The following MEF2C variants were observed in gnomAD, a reference collection of about 807,000 sequenced individuals.
MEF2C encodes myocyte-specific enhancer factor 2C.
Under a neutral mutation model 50.5 loss-of-function variants are expected in MEF2C, and 6 were observed. The observed-to-expected ratio is 0.12, with a 90% CI of 0.07 to 0.23. The LOEUF (loss-of-function observed/expected upper bound fraction) is 0.23. Ranked by LOEUF, MEF2C falls within the 10% of genes least tolerant of loss-of-function variation. The pLI, the probability that MEF2C is intolerant of heterozygous loss-of-function variation, is 1.00. For missense variants in MEF2C, 276 were observed against 605.0 expected, an observed-to-expected ratio of 0.46 and a Z score of 5.70; for synonymous variants, 183 against 228.0, an observed-to-expected ratio of 0.80 and a Z score of 1.78.
chr5:88,726,647 A>G (rs1457276814), intron 10 of MEF2C, among the ~76,000 whole-genome samples: 1 of 152,176 alleles, frequency 6.6e-6, no homozygotes, highest in African/African-American at 2.4e-5. Context: ...AATTAAGCAC[A>G]ACGAAATTAA....
rs1756369928 is a variant in MEF2C, at chr5:88,721,606, T to C, written c.*998A>G. 6.6e-6 allele frequency: 1 copy of C among 152,596 alleles called. No homozygotes were observed. Among genetic ancestry groups the C allele is most frequent in the Non-Finnish European group, 1.5e-5 (1 of 68,032 alleles). The allele number at this position is 152,596 out of a possible 1,614,324, so 9.5% of individuals were successfully genotyped here. On this transcript the variant is annotated 3_prime_UTR_variant, in exon 11 of 11. Transcript: ENST00000504921. ...TAATATTATATATATTAGAAAGCTA[T>C]ACACAAGCATGTTAATTTCACAGAT...
At chr5:88,838,155 G>T (rs778043885) in intron 1 of MEF2C, among the ~76,000 whole-genome samples, 1 of 152,166 alleles carries the variant, frequency 6.6e-6, no homozygotes, top group Non-Finnish European at 1.5e-5. Flanking sequence ...ATTCAAGGGA[G>T]TACTTAAAAC....
intron 2 of MEF2C, 114 bp from the exon 3 acceptor site, chr5:88,804,915 T>A: frequency 1.4e-6 from 1 of 728,190 alleles, no homozygotes; most frequent in Non-Finnish European, 2.3e-6. Context: ...GTCAGAGCCC[T>A]GGGCACTAAC....
At chr5:88,862,995 G>A (rs1413954557) in intron 1 of MEF2C, among the ~76,000 whole-genome samples, 2 of 152,168 alleles carry the variant, frequency 1.3e-5, no homozygotes, top group African/African-American at 2.4e-5. Flanking sequence ...GAATATGGCA[G>A]GCCATACGAA....
intron 10 of MEF2C, among the ~76,000 whole-genome samples, chr5:88,724,794 G>A (rs376897179): frequency 6.6e-6 from 1 of 152,102 alleles, no homozygotes; most frequent in East Asian, 1.9e-4. Context: ...TGAGGAAATC[G>A]TCTTTTGATT....
At chr5:88,900,968 T>C (rs557986287) in intron 1 of MEF2C, among the ~76,000 whole-genome samples, 12 of 152,104 alleles carry the variant, frequency 7.9e-5, no homozygotes, top group Non-Finnish European at 1.5e-4. Flanking sequence ...CAAAAGAAAA[T>C]ATGACTAAAA....
intron 1 of MEF2C, among the ~76,000 whole-genome samples, chr5:88,862,130 T>G (rs1159010311): frequency 6.6e-6 from 1 of 152,254 alleles, no homozygotes; most frequent in Admixed American, 6.5e-5. Context: ...CTTGGAATTT[T>G]GTTCCATTAT....
chr5:88,739,964 T>C (rs1431009687), intron 6 of MEF2C: 9 of 984,968 alleles, frequency 9.1e-6, no homozygotes, highest in African/African-American at 1.7e-5. Context: ...AGGGAAATTA[T>C]ATAATAATGC....
At chr5:88,874,871 A>T (rs1830601265) in intron 1 of MEF2C, among the ~76,000 whole-genome samples, 1 of 152,098 alleles carries the variant, frequency 6.6e-6, no homozygotes. Context: ...ACAAATATTT[A>T]TTAAGTGGTA....
intron 3 of MEF2C, among the ~76,000 whole-genome samples, chr5:88,763,944 A>G (rs1287175258): frequency 1.3e-5 from 2 of 152,154 alleles, no homozygotes; most frequent in Non-Finnish European, 2.9e-5. Flanking sequence ...GAGCCATGGC[A>G]CCCTGCCAAT....
At position 88,720,895 on chromosome 5, in the gene MEF2C, T is replaced by C. The variant is rs913518875; in HGVS notation, c.*1709A>G. On this transcript the variant is annotated 3_prime_UTR_variant, in exon 11 of 11. Coordinates refer to ENST00000504921, the MANE Select transcript of MEF2C (RefSeq NM_002397.5). ...AAAAATAGATGACATACATGCTTTA[T>C]GCAGAAGTGACATTTGGGGGTCCTG... 6.6e-6 allele frequency: 1 copy of C among 152,642 alleles called. No individual in the cohort carries two copies. The highest frequency in any genetic ancestry group is 1.5e-5 in the Non-Finnish European group (1 of 68,030). 9.5% of individuals were successfully genotyped at this position (152,642 alleles called of 1,614,324 possible). A position where few individuals can be genotyped will look rare whatever the true frequency, so the allele number is the denominator to read the frequency against.
chr5:88,740,803 A>G (rs1766333894), intron 6 of MEF2C: 1 of 985,364 alleles, frequency 1.0e-6, no homozygotes, highest in Non-Finnish European at 1.2e-6. Flanking sequence ...TTAACTATGA[A>G]TGATAGATTT....
chr5:88,834,165 T>C (rs561661443), intron 1 of MEF2C, among the ~76,000 whole-genome samples: 4 of 152,126 alleles, frequency 2.6e-5, no homozygotes, highest in Non-Finnish European at 5.9e-5. Flanking sequence ...AGGGTGACAG[T>C]TAAATGTCAG....
At chr5:88,740,183 G>C in intron 6 of MEF2C, 1 of 984,488 alleles carries the variant, frequency 1.0e-6, no homozygotes, top group South Asian at 4.7e-5. Context: ...TTCATATCTA[G>C]CCTATTTGTC....
chr5:88,902,681 A>T (rs1835788094), intron 1 of MEF2C, among the ~76,000 whole-genome samples: 1 of 151,898 alleles, frequency 6.6e-6, no homozygotes, highest in African/African-American at 2.4e-5. Flanking sequence ...TGTGTTAAGG[A>T]TGTAGATTTA....
At chr5:88,730,109 A>G in intron 8 of MEF2C, 102 bp downstream of exon 8, 1 of 1,156,800 alleles carries the variant, frequency 8.6e-7, no homozygotes. Context: ...ATGTTGACAT[A>G]CTGTGGTAAC....
At chr5:88,771,351 T>C (rs1782333580) in intron 3 of MEF2C, 2 of 763,822 alleles carry the variant, frequency 2.6e-6, no homozygotes, top group Non-Finnish European at 3.2e-6. Context: ...TATCCTTATT[T>C]ACTCCTCCTC....
intron 6 of MEF2C, chr5:88,737,169 T>C (rs1352711455): frequency 1.0e-6 from 1 of 985,282 alleles, no homozygotes; most frequent in Non-Finnish European, 1.2e-6. Context: ...ATGAGTAACT[T>C]GTTAAATTGA....
intron 2 of MEF2C, among the ~76,000 whole-genome samples, chr5:88,805,568 C>A (rs903197635): frequency 2.0e-5 from 3 of 152,162 alleles, no homozygotes; most frequent in African/African-American, 7.2e-5. Context: ...AGCCTAGCAG[C>A]TTCCTGTCCT....
Sources: gnomAD v4.1 joint callset for allele counts (sites outside exome capture counted in the v4.1 genomes callset) on GRCh38, gnomAD v4.1.1 for gene constraint, MANE v1.5 for transcripts, NCBI Gene and HGNC (gene_info 2026-07-23, HGNC 2026-07-21) for gene names.